Variants in USH2A observed in about 807,000 individuals in gnomAD.
The protein encoded by USH2A is Usher syndrome 2A (autosomal recessive, mild).
Under a neutral mutation model 538.9 loss-of-function variants are expected in USH2A, and 443 were observed. The ratio of observed to expected loss-of-function variants is 0.82; its 90% confidence interval spans 0.76 to 0.89. USH2A has a LOEUF of 0.89. Ranked by LOEUF, USH2A falls within the 40% of genes least tolerant of loss-of-function variation. The pLI is 0.00. For missense variants in USH2A, 6,633 were observed against 6,324.8 expected (o/e 1.05, Z -1.65); for synonymous variants, 2,413 against 2,273.5 (o/e 1.06, Z -1.75).
intron 43 of USH2A, among the ~76,000 whole-genome samples, chr1:215,874,825 G>A (rs748228869): frequency 6.6e-6 from 1 of 152,082 alleles, no homozygotes; most frequent in African/African-American, 2.4e-5. Flanking sequence ...GTGGAATCTG[G>A]GGAGAATAGG....
At chr1:216,116,624 T>C (rs1297602990) in intron 21 of USH2A, among the ~76,000 whole-genome samples, 1 of 152,136 alleles carries the variant, frequency 6.6e-6, no homozygotes, top group East Asian at 1.9e-4. Context: ...AGAAATGGAA[T>C]GAAAGCAAAA....
intron 59 of USH2A, 45 bp from the exon 60 acceptor site, chr1:215,741,582 GA>G (rs766768018): frequency 1.2e-6 from 2 of 1,600,776 alleles, no homozygotes; most frequent in Non-Finnish European, 1.7e-6. Context: ...TTCAAGCAAG[GA>G]AAAGAACTAC....
chr1:215,970,732 G>A lies in USH2A; in HGVS notation c.6850C>T (p.His2284Tyr). Reference sequence around the variant, plus strand: ...CGATAGCTGAGTTCTGAGGAATTGTGGATTAATATACCATCTAGATATAAT... The same window carrying A: ...CGATAGCTGAGTTCTGAGGAATTGTAGATTAATATACCATCTAGATATAAT... ...YGLYLDGILI[H>Y]NSSELSYRAY... The change falls in exon 36 of 72, where the codon CAC (histidine) becomes TAC (tyrosine). Residue 2284 changes from histidine to tyrosine, a missense_variant. By Grantham distance (83) the His-to-Tyr change is moderately conservative (BLOSUM62 2). Coordinates refer to ENST00000307340, the MANE Select transcript of USH2A (RefSeq NM_206933.4). 6.2e-7 allele frequency: 1 copy of A among 1,613,526 alleles called. No individual in the cohort carries two copies. Among genetic ancestry groups the A allele is most frequent in the Non-Finnish European group, 8.5e-7 (1 of 1,179,672 alleles).
intron 21 of USH2A, among the ~76,000 whole-genome samples, chr1:216,112,236 T>A (rs112185143): frequency 1.8e-4 from 28 of 152,310 alleles, no homozygotes; most frequent in African/African-American, 6.5e-4. Context: ...TATTTAAACA[T>A]GTATTTTTTC....
intron 64 of USH2A, among the ~76,000 whole-genome samples, chr1:215,663,807 C>T (rs1657518353): frequency 6.6e-6 from 1 of 152,218 alleles, no homozygotes; most frequent in South Asian, 2.1e-4. Context: ...CAAGCACATT[C>T]ACATATTAAC....
At chr1:216,087,099 A>G (rs2032159397) in intron 23 of USH2A, among the ~76,000 whole-genome samples, 1 of 152,196 alleles carries the variant, frequency 6.6e-6, no homozygotes, top group Non-Finnish European at 1.5e-5. Flanking sequence ...GCTGGGTTCC[A>G]GTACGAACTG....
At chr1:216,182,170 T>C (rs1448198053) in intron 20 of USH2A, among the ~76,000 whole-genome samples, 2 of 152,142 alleles carry the variant, frequency 1.3e-5, no homozygotes, top group African/African-American at 4.8e-5. Context: ...TGTATTTTCC[T>C]AAAGATGTCA....
chr1:216,260,827 C>A (rs1185548505), intron 11 of USH2A, among the ~76,000 whole-genome samples: 2 of 152,134 alleles, frequency 1.3e-5, no homozygotes, highest in Non-Finnish European at 2.9e-5. Flanking sequence ...AGTCTGTATA[C>A]ACTGCCTCTC....
At chr1:216,114,129 C>T (rs573134329) in intron 21 of USH2A, among the ~76,000 whole-genome samples, 4 of 151,606 alleles carry the variant, frequency 2.6e-5, no homozygotes, top group African/African-American at 9.7e-5. Flanking sequence ...AGCTATAGTA[C>T]TTATTATATA....
chr1:216,413,767 T>C (rs944617485), intron 3 of USH2A, among the ~76,000 whole-genome samples: 21 of 152,220 alleles, frequency 1.4e-4, no homozygotes, highest in African/African-American at 4.6e-4. Flanking sequence ...AGCCCAATGC[T>C]AAATCATTTC....
chr1:215,650,690 T>C lies in USH2A; in HGVS notation c.14245A>G (p.Thr4749Ala). The C allele has an allele frequency of 6.2e-7, 1 of 1,613,920 alleles. No homozygotes were observed. Residue 4749 changes from threonine (T) to alanine (A), a missense_variant, in exon 65 of 72, where the codon ACC becomes GCC. Transcript: ENST00000307340. ...RAPTFHVISSTQAVVNISAPG... is the reference protein window; with the variant it reads ...RAPTFHVISSAQAVVNISAPG... ...GCACTGATGTTGACCACTGCTTGGG[T>C]AGAAGAGATCACATGGAACGTGGGG...
chr1:215,671,666 A>C (rs1424938901), intron 63 of USH2A, among the ~76,000 whole-genome samples: 1 of 152,218 alleles, frequency 6.6e-6, no homozygotes, highest in Non-Finnish European at 1.5e-5. Flanking sequence ...AATAACTCTC[A>C]AGATTCTTTC....
chr1:216,223,052 TC>T (rs994994221), intron 14 of USH2A, among the ~76,000 whole-genome samples: 2 of 151,578 alleles, frequency 1.3e-5, no homozygotes, highest in African/African-American at 4.9e-5. Flanking sequence ...TTTTTTTTTT[TC>T]CTAGAATCTC....
intron 13 of USH2A, among the ~76,000 whole-genome samples, chr1:216,241,010 G>C (rs752294374): frequency 3.9e-5 from 6 of 152,080 alleles, no homozygotes; most frequent in Non-Finnish European, 8.8e-5. Flanking sequence ...ATGCCAAAGA[G>C]AGTCCTGAAA....
At chr1:216,348,035 G>T (rs1201430080) in intron 4 of USH2A, among the ~76,000 whole-genome samples, 1 of 152,076 alleles carries the variant, frequency 6.6e-6, no homozygotes, top group Non-Finnish European at 1.5e-5. Flanking sequence ...CTGATCCTTT[G>T]TTTTGCTATC....
intron 21 of USH2A, among the ~76,000 whole-genome samples, chr1:216,163,233 T>C (rs184305290): frequency 6.6e-6 from 1 of 152,016 alleles, no homozygotes; most frequent in Non-Finnish European, 1.5e-5. Context: ...TTTTATCTAC[T>C]GAGTTGCTAA....
chr1:216,344,339 A>G (rs1036647481), intron 4 of USH2A, among the ~76,000 whole-genome samples: 10 of 152,138 alleles, frequency 6.6e-5, no homozygotes, highest in South Asian at 4.1e-4. Flanking sequence ...AATCAACATC[A>G]TACACTGAAC....
intron 34 of USH2A, among the ~76,000 whole-genome samples, chr1:215,996,743 C>G (rs1280855420): frequency 6.6e-6 from 1 of 151,842 alleles, no homozygotes; most frequent in Non-Finnish European, 1.5e-5. Flanking sequence ...CTCAGCTTCC[C>G]ATTTCCAATA....
chr1:216,292,027 A>T, intron 10 of USH2A, 148 bp downstream of exon 10: 1 of 871,558 alleles, frequency 1.1e-6, no homozygotes, highest in South Asian at 1.6e-5. Flanking sequence ...AAATAGGAAG[A>T]TTTGGTGAAC....
Sources: gnomAD v4.1 joint callset for allele counts (sites outside exome capture counted in the v4.1 genomes callset) on GRCh38, gnomAD v4.1.1 for gene constraint, MANE v1.5 for transcripts, NCBI Gene and HGNC (gene_info 2026-07-23, HGNC 2026-07-21) for gene names.